The following TASP1 variants were observed in gnomAD, a reference collection of about 807,000 sequenced individuals.
The protein encoded by TASP1 is taspase 1, also known as threonine aspartase 1.
A neutral mutation model predicts 56.6 loss-of-function variants in TASP1; 16 were observed. The observed-to-expected ratio is 0.28, with a 90% confidence interval of 0.19 to 0.43. The LOEUF is 0.43. Ranked by LOEUF, TASP1 falls within the 20% of genes least tolerant of loss-of-function variation. TASP1 has a pLI of 1.00. For synonymous variants in TASP1, 179 were observed against 184.2 expected (o/e 0.97, Z 0.23); for missense variants, 393 against 511.6 (o/e 0.77, Z 2.24).
intron 13 of TASP1, among the ~76,000 whole-genome samples, chr20:13,396,211 C>A (rs762278017): frequency 6.6e-6 from 1 of 152,270 alleles, no homozygotes; most frequent in Middle Eastern, 3.4e-3. Flanking sequence ...CCCTACCCAT[C>A]GCTTTTTAAG....
the TASP1 span, among the ~76,000 whole-genome samples, chr20:13,129,010 G>T: frequency 6.6e-6 from 1 of 151,790 alleles, no homozygotes; most frequent in Non-Finnish European, 1.5e-5. Context: ...CCGAGTAGCT[G>T]GGATTACAGG....
chr20:13,596,990 T>G (rs752341077), intron 4 of TASP1, among the ~76,000 whole-genome samples: 2 of 152,128 alleles, frequency 1.3e-5, no homozygotes, highest in African/African-American at 2.4e-5. Flanking sequence ...CTGGAAGAAG[T>G]TGAATCTCTA....
chr20:13,540,915 A>G (rs945665337), intron 8 of TASP1, among the ~76,000 whole-genome samples: 24 of 152,332 alleles, frequency 1.6e-4, no homozygotes, highest in African/African-American at 5.8e-4. Flanking sequence ...GTACTATCTT[A>G]AAAAACAAAA....
chr20:13,376,327 A>C, the TASP1 span, among the ~76,000 whole-genome samples: 2 of 152,248 alleles, frequency 1.3e-5, no homozygotes, highest in South Asian at 4.1e-4. Context: ...TTTATTAAAT[A>C]GGGAATCCTT....
chr20:13,200,195 G>A, the TASP1 span, among the ~76,000 whole-genome samples: 2 of 152,070 alleles, frequency 1.3e-5, no homozygotes, highest in Non-Finnish European at 2.9e-5. Flanking sequence ...AACCCATAGT[G>A]ATTAATAAAT....
At chr20:13,330,247 G>A in the TASP1 span, among the ~76,000 whole-genome samples, 2 of 152,078 alleles carry the variant, frequency 1.3e-5, no homozygotes, top group African/African-American at 4.8e-5. Flanking sequence ...GAGCCACCAC[G>A]CCTGGCTGTG....
the TASP1 span, among the ~76,000 whole-genome samples, chr20:13,356,957 A>G: frequency 6.7e-4 from 102 of 152,274 alleles, no homozygotes; most frequent in Admixed American, 2.7e-3. Context: ...TAGAGTCACA[A>G]CTGTTAGCTT....
At chr20:13,210,499 T>C in the TASP1 span, among the ~76,000 whole-genome samples, 328 of 152,302 alleles carry the variant, frequency 2.2e-3, 2 homozygotes, top group East Asian at 0.019. Flanking sequence ...GATTTTTTAA[T>C]GGCCGTATGG....
At chr20:13,634,103 T>C (rs1337406757) in intron 1 of TASP1, among the ~76,000 whole-genome samples, 3 of 152,186 alleles carry the variant, frequency 2.0e-5, no homozygotes, top group African/African-American at 7.2e-5. Flanking sequence ...TGGATATTCA[T>C]AGCAATATTA....
At chr20:13,154,162 A>C in the TASP1 span, 1 of 1,613,434 alleles carries the variant, frequency 6.2e-7, no homozygotes, top group Non-Finnish European at 8.5e-7. Flanking sequence ...GCATCTCATA[A>C]TCACACCTAA....
chr20:13,345,916 TAAAAA>T, the TASP1 span, among the ~76,000 whole-genome samples: 1 of 101,326 alleles, frequency 9.9e-6, no homozygotes, highest in African/African-American at 3.1e-5. Context: ...CTCAGTAGGT[TAAAAA>T]AAAAAAAAAA....
chr20:13,528,357 C>T, intron 10 of TASP1, 76 bp downstream of exon 10: 1 of 1,304,708 alleles, frequency 7.7e-7, no homozygotes. Flanking sequence ...TATGTTTACC[C>T]ACAAATATTG....
At chr20:13,418,890 CTAAA>C (rs1348343126) in intron 12 of TASP1, among the ~76,000 whole-genome samples, 1 of 152,180 alleles carries the variant, frequency 6.6e-6, no homozygotes, top group Non-Finnish European at 1.5e-5. Flanking sequence ...CAACACTCTA[CTAAA>C]TAACTGGTTT....
At chr20:13,189,673 G>A in the TASP1 span, among the ~76,000 whole-genome samples, 1 of 152,160 alleles carries the variant, frequency 6.6e-6, no homozygotes, top group Non-Finnish European at 1.5e-5. Context: ...CAAGGTTGTA[G>A]AGAAAAGGGA....
At chr20:13,629,521 G>A (rs2049013379) in intron 2 of TASP1, among the ~76,000 whole-genome samples, 2 of 151,726 alleles carry the variant, frequency 1.3e-5, no homozygotes, top group African/African-American at 2.4e-5. Context: ...GCCCAGGCTG[G>A]AGCGCAGTGG....
At chr20:13,317,029 CT>C in the TASP1 span, among the ~76,000 whole-genome samples, 1 of 151,754 alleles carries the variant, frequency 6.6e-6, no homozygotes, top group Admixed American at 6.6e-5. Flanking sequence ...ACATGATTTT[CT>C]ATGTAAAAAA....
chr20:13,606,715 T>G (rs1318751689), intron 4 of TASP1, among the ~76,000 whole-genome samples: 3 of 146,426 alleles, frequency 2.0e-5, no homozygotes, highest in Non-Finnish European at 4.5e-5. Context: ...GCTAAGGCAG[T>G]AGAATGGCGT....
chr20:13,169,111 T>G, the TASP1 span: 1 of 152,026 alleles, frequency 6.6e-6, no homozygotes, highest in Admixed American at 6.6e-5. Flanking sequence ...TAATTGATGG[T>G]TTTCTGTTGA....
the TASP1 span, among the ~76,000 whole-genome samples, chr20:13,181,603 T>C: frequency 2.0e-5 from 3 of 152,216 alleles, no homozygotes; most frequent in Non-Finnish European, 4.4e-5. Flanking sequence ...AAGAAACTAC[T>C]GACTATATGG....
Sources: allele counts gnomAD v4.1 joint callset (sites outside exome capture counted in the v4.1 genomes callset), GRCh38; gene constraint gnomAD v4.1.1; transcripts MANE v1.5; gene names NCBI Gene and HGNC (gene_info 2026-07-23, HGNC 2026-07-21).